CDH13: variants seen among roughly 807,000 people sequenced by gnomAD.
CDH13 encodes the protein cadherin-13.
CDH13 carries 24 observed loss-of-function variants against 63.8 expected under a neutral mutation model. The ratio of observed to expected loss-of-function variants is 0.38; its 90% confidence interval spans 0.27 to 0.53. The LOEUF is 0.53. CDH13 is among the 20% of genes least tolerant of loss of function. The pLI, the probability that CDH13 is intolerant of heterozygous loss-of-function variation, is 0.85. For synonymous variants in CDH13, 503 were observed against 355.3 expected (o/e 1.42, Z -4.67); for missense variants, 1,049 against 903.1 (o/e 1.16, Z -2.07).
intron 8 of CDH13, among the ~76,000 whole-genome samples, chr16:83,651,758 G>C (rs538094365): frequency 1.5e-5 from 2 of 135,086 alleles, no homozygotes; most frequent in Non-Finnish European, 3.4e-5. Context: ...ACCATGCCTG[G>C]CTAATTTTTG....
At chr16:83,051,250 T>C (rs2030302898) in intron 3 of CDH13, among the ~76,000 whole-genome samples, 1 of 152,192 alleles carries the variant, frequency 6.6e-6, no homozygotes, top group African/African-American at 2.4e-5. Context: ...ATTCATGTGA[T>C]TCTCCTACCA....
At chr16:82,838,638 A>T (rs2038873145) in intron 1 of CDH13, among the ~76,000 whole-genome samples, 1 of 152,136 alleles carries the variant, frequency 6.6e-6, no homozygotes, top group Non-Finnish European at 1.5e-5. Flanking sequence ...ATTTGAAAAA[A>T]ACCTGGTTCA....
At chr16:83,569,886 G>A (rs912516011) in intron 7 of CDH13, among the ~76,000 whole-genome samples, 4 of 152,098 alleles carry the variant, frequency 2.6e-5, no homozygotes, top group Admixed American at 1.3e-4. Context: ...ACAGGTGCAC[G>A]CCACCATGCC....
chr16:83,060,599 A>C (rs2031442553), intron 3 of CDH13, among the ~76,000 whole-genome samples: 2 of 152,164 alleles, frequency 1.3e-5, no homozygotes, highest in Admixed American at 1.3e-4. Flanking sequence ...CTGCCTCATA[A>C]CTTGTAAGTA....
chr16:83,292,628 AAGT>A (rs757816000), intron 5 of CDH13, among the ~76,000 whole-genome samples: 9 of 152,088 alleles, frequency 5.9e-5, no homozygotes, highest in Non-Finnish European at 8.8e-5. Flanking sequence ...CACTCTCACT[AAGT>A]AGGCAATTTC....
At chr16:83,513,575 C>A (rs527551398) in intron 7 of CDH13, among the ~76,000 whole-genome samples, 1 of 152,106 alleles carries the variant, frequency 6.6e-6, no homozygotes, top group South Asian at 2.1e-4. Flanking sequence ...GAAAGTCAAC[C>A]GTCCTTCTTC....
At chr16:83,407,422 A>G (rs11149564) in intron 6 of CDH13, among the ~76,000 whole-genome samples, 79,407 of 152,064 alleles carry the variant, frequency 0.52, 21,541 homozygotes, top group East Asian at 0.82. Flanking sequence ...TAGCCCCTGA[A>G]CTTAAGGAAA....
chr16:83,102,948 C>T (rs12929181), intron 3 of CDH13, among the ~76,000 whole-genome samples: 3,932 of 68,076 alleles, frequency 0.058, 5 homozygotes, highest in Middle Eastern at 0.068. Context: ...TTTTCTTTTT[C>T]TTTTTTTTTT....
chr16:83,470,544 C>G (rs1178350914), intron 6 of CDH13, among the ~76,000 whole-genome samples: 2 of 152,208 alleles, frequency 1.3e-5, no homozygotes, highest in African/African-American at 4.8e-5. Context: ...AACATTCCAG[C>G]AGTGCTCAAG....
At chr16:83,683,263 A>T (rs1915552842) in intron 10 of CDH13, among the ~76,000 whole-genome samples, 2 of 152,232 alleles carry the variant, frequency 1.3e-5, no homozygotes, top group Admixed American at 6.5e-5. Flanking sequence ...GACAGATGAA[A>T]TTCTTCTTTT....
chr16:82,801,684 G>A (rs558552849), intron 1 of CDH13, among the ~76,000 whole-genome samples: 39 of 152,332 alleles, frequency 2.6e-4, no homozygotes, highest in African/African-American at 8.9e-4. Context: ...TGCTGGGTCA[G>A]CCTCTTCGTC....
In CDH13 at chr16:82,720,031, A is replaced by G. The variant is rs115919436; in HGVS notation, c.45+92894A>G. Among the ~76,000 whole-genome samples the G allele has an allele frequency of 4.8e-3, 724 of 152,312 alleles. 6 individuals are homozygous for G. The highest frequency in any genetic ancestry group is 0.017 in the African/African-American group (694 of 41,564). On this transcript the variant is annotated intron_variant, in intron 1 of 13. Transcript: ENST00000567109. ...CGTTCCTGGTCACAAAAACATTACC[A>G]AACTTCTTAATAAAGACCCAAAACA...
At chr16:83,037,443 A>G (rs1460390185) in intron 3 of CDH13, among the ~76,000 whole-genome samples, 1 of 152,202 alleles carries the variant, frequency 6.6e-6, no homozygotes, top group Non-Finnish European at 1.5e-5. Flanking sequence ...AGATGAGAGC[A>G]TCAGTTAGAG....
chr16:83,225,861 A>G (rs1219671649), intron 5 of CDH13, among the ~76,000 whole-genome samples: 1 of 152,150 alleles, frequency 6.6e-6, no homozygotes, highest in African/African-American at 2.4e-5. Context: ...CATAATTAGG[A>G]ATTAATATAA....
chr16:82,917,090 T>G (rs907909303), intron 2 of CDH13, among the ~76,000 whole-genome samples: 1 of 152,152 alleles, frequency 6.6e-6, no homozygotes, highest in Non-Finnish European at 1.5e-5. Context: ...GGAAAAGTTA[T>G]GGGGAGTGGG....
At chr16:82,710,816 T>C (rs2031882606) in intron 1 of CDH13, among the ~76,000 whole-genome samples, 1 of 150,096 alleles carries the variant, frequency 6.7e-6, no homozygotes, top group African/African-American at 2.4e-5. Context: ...ATATGTATGT[T>C]TTACATACAC....
intron 12 of CDH13, among the ~76,000 whole-genome samples, chr16:83,780,903 G>A (rs153649): frequency 0.82 from 124,097 of 152,158 alleles, 50,657 homozygotes; most frequent in Admixed American, 0.84. Context: ...CATTGGAGAG[G>A]CTTTTCGTGG....
intron 6 of CDH13, among the ~76,000 whole-genome samples, chr16:83,381,798 C>T (rs980630902): frequency 2.0e-5 from 3 of 151,982 alleles, no homozygotes; most frequent in African/African-American, 7.3e-5. Context: ...CTGAATGCAG[C>T]CATTGCCACC....
intron 5 of CDH13, among the ~76,000 whole-genome samples, chr16:83,256,291 C>A (rs1906248095): frequency 6.6e-6 from 1 of 152,172 alleles, no homozygotes; most frequent in African/African-American, 2.4e-5. Flanking sequence ...CCTCAGCCTC[C>A]CAAAGTGCTG....
Sources: gnomAD v4.1 joint callset for allele counts (sites outside exome capture counted in the v4.1 genomes callset) on GRCh38, gnomAD v4.1.1 for gene constraint, MANE v1.5 for transcripts, NCBI Gene and HGNC (gene_info 2026-07-23, HGNC 2026-07-21) for gene names.